The following PRKCB variants were observed in gnomAD, a reference collection of about 807,000 sequenced individuals.
The protein encoded by PRKCB is protein kinase C beta.
PRKCB carries 13 observed loss-of-function variants against 81.5 expected under a neutral mutation model. The ratio of observed to expected loss-of-function variants is 0.16; its 90% CI spans 0.10 to 0.25. The LOEUF (loss-of-function observed/expected upper bound fraction) is 0.25. Among genes scored for constraint, PRKCB ranks in the 10% least tolerant of loss-of-function variants. The pLI is 1.00. For missense variants in PRKCB, 509 were observed against 875.7 expected, an observed-to-expected ratio of 0.58 and a Z score of 5.29; for synonymous variants, 335 against 321.4, an observed-to-expected ratio of 1.04 and a Z score of -0.45.
chr16:24,109,823 C>G (rs7184819), intron 7 of PRKCB, among the ~76,000 whole-genome samples: 8,780 of 119,778 alleles, frequency 0.073, 131 homozygotes, highest in African/African-American at 0.22. Flanking sequence ...CACCATTGAG[C>G]ACTGAGTGAA....
chr16:23,929,455 C>T (rs1453065205), intron 2 of PRKCB, among the ~76,000 whole-genome samples: 3 of 152,084 alleles, frequency 2.0e-5, no homozygotes, highest in African/African-American at 7.2e-5. Context: ...CCTCAGTTTT[C>T]TCATCTGTCA....
chr16:24,169,890 C>G (rs1263742150), intron 10 of PRKCB, among the ~76,000 whole-genome samples: 5 of 152,180 alleles, frequency 3.3e-5, no homozygotes, highest in Non-Finnish European at 5.9e-5. Flanking sequence ...AACTCTGCTG[C>G]ACCAGCCTCT....
intron 3 of PRKCB, among the ~76,000 whole-genome samples, chr16:23,997,111 T>C (rs1021546452): frequency 1.3e-5 from 2 of 152,160 alleles, no homozygotes; most frequent in Non-Finnish European, 2.9e-5. Context: ...GACAGAACAA[T>C]GATTCTATTG....
At chr16:24,062,869 ATCT>A (rs1247021660) in intron 5 of PRKCB, among the ~76,000 whole-genome samples, 1 of 151,492 alleles carries the variant, frequency 6.6e-6, no homozygotes, top group Non-Finnish European at 1.5e-5. Context: ...CCACTCTGTG[ATCT>A]TCTCTGTGGC....
intron 9 of PRKCB, among the ~76,000 whole-genome samples, chr16:24,126,507 C>T (rs998180624): frequency 6.6e-6 from 1 of 152,086 alleles, no homozygotes; most frequent in African/African-American, 2.4e-5. Flanking sequence ...CAGCTCCTAC[C>T]CAAGTTCACA....
At position 24,021,126 on chromosome 16, in the gene PRKCB, TTTCC is replaced by T. The variant is rs1176555968; in HGVS notation, c.289-10994_289-10991del. 8.2e-4 allele frequency among the ~76,000 whole-genome samples: 120 copies of T among 146,780 alleles called. 1 individual carries two copies. Among genetic ancestry groups the T allele is most frequent in the South Asian group, 5.6e-3 (25 of 4,498 alleles). The stretch of plus-strand genomic sequence containing the variant: ...TTCTTTCCTTCTCTCTCTTTCTTTC[TTTCC>T]TTCCTTCCTTCCTTCTTTCTTTTCC... On this transcript the variant is annotated intron_variant, in intron 3 of 16. Transcript: ENST00000643927.
At chr16:23,853,280 C>A (rs1962504605) in intron 2 of PRKCB, among the ~76,000 whole-genome samples, 1 of 152,238 alleles carries the variant, frequency 6.6e-6, no homozygotes, top group Admixed American at 6.5e-5. Context: ...ACTCATGTCA[C>A]TAACCAGTGC....
At chr16:24,007,164 AAG>A in intron 3 of PRKCB, among the ~76,000 whole-genome samples, 1 of 152,334 alleles carries the variant, frequency 6.6e-6, no homozygotes, top group East Asian at 1.9e-4. Flanking sequence ...CATCTATAAA[AAG>A]AGGATAAAAT....
chr16:23,861,201 C>T (rs994201733), intron 2 of PRKCB, among the ~76,000 whole-genome samples: 1 of 151,162 alleles, frequency 6.6e-6, no homozygotes, highest in Non-Finnish European at 1.5e-5. Flanking sequence ...CAAGGTCTTG[C>T]TCTGTCACCC....
chr16:24,041,060 T>G (rs373653997), intron 5 of PRKCB, among the ~76,000 whole-genome samples: 42 of 137,314 alleles, frequency 3.1e-4, no homozygotes, highest in Admixed American at 7.3e-4. Flanking sequence ...ATAATTTTTT[T>G]TGTGTGTGTG....
chr16:23,903,920 C>T (rs60561757), intron 2 of PRKCB, among the ~76,000 whole-genome samples: 49,577 of 152,022 alleles, frequency 0.33, 8,374 homozygotes, highest in South Asian at 0.49. Context: ...TCTGCAACGA[C>T]GCTGGCACAC....
chr16:24,023,941 G>A (rs926880120), intron 3 of PRKCB, among the ~76,000 whole-genome samples: 5 of 152,156 alleles, frequency 3.3e-5, no homozygotes, highest in Non-Finnish European at 4.4e-5. Context: ...TAGATATCTT[G>A]ACTCACCCCT....
chr16:23,981,680 TC>T lies in PRKCB; in HGVS notation c.206-6824del, dbSNP rs201507416. ...TCCTTTTTTCCCTTTCTCTTCCCCT[TC>T]CCCTTCCCTTCCCCTTCCCTTCCCC... On this transcript the variant is annotated intron_variant, in intron 2 of 16. Transcript: ENST00000643927. Among the ~76,000 whole-genome samples, 1,097 of 118,102 alleles carry T rather than the reference TC, an allele frequency of 9.3e-3. 63 individuals carry two copies. The highest frequency in any genetic ancestry group is 0.041 in the Middle Eastern group (9 of 220). 77.5% of individuals were successfully genotyped at this position (118,102 alleles called of 152,430 possible).
intron 8 of PRKCB, among the ~76,000 whole-genome samples, chr16:24,121,587 G>T (rs1966798692): frequency 6.6e-6 from 1 of 152,068 alleles, no homozygotes; most frequent in Non-Finnish European, 1.5e-5. Flanking sequence ...GTGTTGCCCA[G>T]GCTGGTCTTG....
At chr16:23,982,822 G>A (rs989361421) in intron 2 of PRKCB, among the ~76,000 whole-genome samples, 1 of 152,122 alleles carries the variant, frequency 6.6e-6, no homozygotes, top group African/African-American at 2.4e-5. Flanking sequence ...GAGCTGAGTA[G>A]CAATTTCCCC....
intron 3 of PRKCB, among the ~76,000 whole-genome samples, chr16:24,026,210 G>A (rs779150378): frequency 1.3e-5 from 2 of 152,178 alleles, no homozygotes; most frequent in Non-Finnish European, 1.5e-5. Flanking sequence ...TGGAAGGGTC[G>A]CTTGAACCTG....
At chr16:24,151,608 A>C (rs1458269051) in intron 9 of PRKCB, 1 of 354,986 alleles carries the variant, frequency 2.8e-6, no homozygotes, top group Non-Finnish European at 5.6e-6. Context: ...AGGAGGAGAT[A>C]ACAGCCCAGT....
intron 2 of PRKCB, chr16:23,869,275 C>T: frequency 3.0e-6 from 1 of 327,928 alleles, no homozygotes. Context: ...GCTGTTGCCT[C>T]AGCTGCGTCC....
chr16:23,905,727 A>G (rs933924915), intron 2 of PRKCB, among the ~76,000 whole-genome samples: 8 of 152,224 alleles, frequency 5.3e-5, no homozygotes, highest in Admixed American at 2.6e-4. Context: ...ATCACCTAGA[A>G]CAGTGCTTAG....
Sources: gnomAD v4.1 joint callset for allele counts (sites outside exome capture counted in the v4.1 genomes callset) on GRCh38, gnomAD v4.1.1 for gene constraint, MANE v1.5 for transcripts, NCBI Gene and HGNC (gene_info 2026-07-23, HGNC 2026-07-21) for gene names.